Variants in PLA2G4A observed in about 807,000 individuals in gnomAD.
PLA2G4A encodes cytosolic phospholipase A2.
A neutral mutation model predicts 81.9 loss-of-function variants in PLA2G4A; 40 were observed. That is an observed-to-expected ratio of 0.49 (90% CI 0.38 to 0.64). PLA2G4A has a LOEUF of 0.64. Ranked by LOEUF, PLA2G4A falls within the 30% of genes least tolerant of loss-of-function variation. The probability of loss-of-function intolerance (pLI) is 0.00; values close to 1 mark genes in which losing one functional copy is unlikely to be tolerated. For synonymous variants in PLA2G4A, 302 were observed against 296.9 expected (o/e 1.02, Z -0.18); for missense variants, 715 against 905.1 (o/e 0.79, Z 2.69).
At chr1:186,896,071 T>C (rs1654322787) in intron 5 of PLA2G4A, among the ~76,000 whole-genome samples, 1 of 151,688 alleles carries the variant, frequency 6.6e-6, no homozygotes, top group African/African-American at 2.4e-5. Context: ...TATACTGACA[T>C]ATTATTTAGT....
chr1:186,933,093 T>C (rs1655813048), intron 8 of PLA2G4A, among the ~76,000 whole-genome samples, 194 bp downstream of exon 8: 1 of 152,190 alleles, frequency 6.6e-6, no homozygotes, highest in Admixed American at 6.6e-5. Flanking sequence ...AACTTTTTGT[T>C]GCAAATTTAC....
intron 2 of PLA2G4A, among the ~76,000 whole-genome samples, chr1:186,863,287 T>G (rs1213419771): frequency 6.6e-6 from 1 of 152,186 alleles, no homozygotes; most frequent in African/African-American, 2.4e-5. Flanking sequence ...TTGTACTGGT[T>G]TTCACTGCTA....
At chr1:186,868,453 A>C (rs572891667) in intron 2 of PLA2G4A, among the ~76,000 whole-genome samples, 48 of 152,314 alleles carry the variant, frequency 3.2e-4, no homozygotes, top group African/African-American at 1.2e-3. Flanking sequence ...AAGTATGTTC[A>C]TGAGAAATAT....
At chr1:186,865,105 T>A (rs10911936) in intron 2 of PLA2G4A, among the ~76,000 whole-genome samples, 33,187 of 148,236 alleles carry the variant, frequency 0.22, 3,905 homozygotes, top group African/African-American at 0.29. Context: ...TATATATATA[T>A]AAAATATAAT....
At chr1:186,895,717 G>A (rs1285652430) in intron 5 of PLA2G4A, among the ~76,000 whole-genome samples, 1 of 152,218 alleles carries the variant, frequency 6.6e-6, no homozygotes, top group Non-Finnish European at 1.5e-5. Context: ...CGATTGTGTT[G>A]TGAGAGGAGG....
chr1:186,932,194 T>C (rs928139896), intron 7 of PLA2G4A, among the ~76,000 whole-genome samples: 2 of 152,242 alleles, frequency 1.3e-5, no homozygotes, highest in African/African-American at 4.8e-5. Context: ...AGAGTATTAT[T>C]GTTATTATTA....
intron 7 of PLA2G4A, among the ~76,000 whole-genome samples, chr1:186,917,620 T>C (rs913482017): frequency 5.3e-5 from 8 of 152,186 alleles, no homozygotes; most frequent in Non-Finnish European, 1.0e-4. Flanking sequence ...CGGCCCGTTA[T>C]CTGAGCTGAT....
chr1:186,870,453 C>T lies in PLA2G4A; in HGVS notation c.52C>T (p.His18Tyr), dbSNP rs764356982. The T allele has an allele frequency of 6.2e-7, 1 of 1,607,234 alleles. No individual in the cohort carries two copies. Among genetic ancestry groups the T allele is most frequent in the Non-Finnish European group, 8.5e-7 (1 of 1,173,994 alleles). Residue 18 changes from histidine (H) to tyrosine (Y), a missense_variant, in exon 3 of 18, where the codon CAC (histidine) becomes TAC (tyrosine). Transcript: ENST00000367466. ...TTTCCAGGTGGAGCACCAGTATTCC[C>T]ACAAGTTTACGGTAGTGGTGTTACG... ...QHIIVEHQYS[H>Y]KFTVVVLRAT...
chr1:186,939,150 T>C lies in PLA2G4A; in HGVS notation c.838T>C (p.Trp280Arg). 3.7e-6 allele frequency: 6 copies of C among 1,610,632 alleles called. No individual in the cohort carries two copies. Among genetic ancestry groups the C allele is most frequent in the Non-Finnish European group, 5.1e-6 (6 of 1,176,972 alleles). The stretch of plus-strand genomic sequence containing the variant: ...AGTTAAAAGATATGTTGAGTCTTTA[T>C]GGAAGAAGAAAAGCTCTGGACAACC... ...QKVKRYVESL[W>R]KKKSSGQPVT... The change falls in exon 9 of 18, where the codon TGG becomes CGG. Residue 280 changes from tryptophan to arginine, a missense_variant. Physicochemically the swap from Trp to Arg is moderately radical, Grantham distance 101. Transcript: ENST00000367466.
chr1:186,938,975 A>T (rs1477341096), intron 8 of PLA2G4A, 33 bp from the exon 9 acceptor site: 10 of 1,098,156 alleles, frequency 9.1e-6, no homozygotes, highest in Non-Finnish European at 1.4e-5. Flanking sequence ...AATGCTCTTT[A>T]TCTTTACTGA....
At chr1:186,896,638 T>G (rs2102121499) in intron 5 of PLA2G4A, among the ~76,000 whole-genome samples, 1 of 152,322 alleles carries the variant, frequency 6.6e-6, no homozygotes, top group South Asian at 2.1e-4. Flanking sequence ...AACATTCATT[T>G]CCTCTCCTCT....
At chr1:186,890,824 G>A (rs1654108293) in intron 3 of PLA2G4A, among the ~76,000 whole-genome samples, 1 of 146,938 alleles carries the variant, frequency 6.8e-6, no homozygotes, top group African/African-American at 2.6e-5. Flanking sequence ...CTGCACTCCA[G>A]CCTGGCAACA....
At chr1:186,870,272 G>A (rs1653209030) in intron 2 of PLA2G4A, among the ~76,000 whole-genome samples, 163 bp from the exon 3 acceptor site, 2 of 152,166 alleles carry the variant, frequency 1.3e-5, no homozygotes, top group Admixed American at 1.3e-4. Flanking sequence ...ATGATTCTGT[G>A]ATGAGAGAGA....
intron 14 of PLA2G4A, among the ~76,000 whole-genome samples, chr1:186,964,122 A>C (rs1020565837): frequency 7.9e-5 from 12 of 152,210 alleles, no homozygotes; most frequent in Non-Finnish European, 1.5e-5. Context: ...ATCCTTATTC[A>C]TATCTGGTGT....
At chr1:186,844,780 G>T (rs1028282102) in intron 1 of PLA2G4A, among the ~76,000 whole-genome samples, 2 of 152,132 alleles carry the variant, frequency 1.3e-5, no homozygotes, top group South Asian at 2.1e-4. Context: ...AAAACTTAAA[G>T]TATAATAAAA....
intron 3 of PLA2G4A, among the ~76,000 whole-genome samples, chr1:186,872,822 A>T (rs1044103884): frequency 6.6e-6 from 1 of 152,136 alleles, no homozygotes; most frequent in African/African-American, 2.4e-5. Flanking sequence ...GGGAACATTT[A>T]GGTTTTGGTT....
At chr1:186,875,698 A>G (rs1395950185) in intron 3 of PLA2G4A, among the ~76,000 whole-genome samples, 2 of 152,004 alleles carry the variant, frequency 1.3e-5, no homozygotes, top group East Asian at 3.9e-4. Context: ...TGATTGTGTG[A>G]TATTTGTGAT....
chr1:186,893,432 CA>C (rs1468350118), intron 4 of PLA2G4A, among the ~76,000 whole-genome samples: 1 of 152,028 alleles, frequency 6.6e-6, no homozygotes, highest in East Asian at 1.9e-4. Flanking sequence ...CCCAGTATAA[CA>C]GAATAAAAAT....
At chr1:186,857,474 ATATATACAATATATAACATAATATAC>A (rs1478939070) in intron 2 of PLA2G4A, among the ~76,000 whole-genome samples, 9 of 135,142 alleles carry the variant, frequency 6.7e-5, no homozygotes, top group Non-Finnish European at 1.4e-4. Flanking sequence ...CATGTATAAT[ATATATACAATATATAACATAATATAC>A]TATATATAAT....
Sources: allele counts gnomAD v4.1 joint callset (sites outside exome capture counted in the v4.1 genomes callset), GRCh38; gene constraint gnomAD v4.1.1; transcripts MANE v1.5; gene names NCBI Gene and HGNC (gene_info 2026-07-23, HGNC 2026-07-21).